The following MNAT1 variants were observed in gnomAD, a reference collection of about 807,000 sequenced individuals.
MNAT1 encodes CDK-activating kinase assembly factor MAT1.
MNAT1 carries 43 observed loss-of-function variants against 42.0 expected under a neutral mutation model. The observed-to-expected ratio is 1.02, with a 90% CI of 0.80 to 1.32. The LOEUF is 1.32. Among genes scored for constraint, MNAT1 ranks in the 40% most tolerant of loss-of-function variants. The pLI is 0.00. For missense variants in MNAT1, 306 were observed against 350.4 expected, an observed-to-expected ratio of 0.87 and a Z score of 1.01; for synonymous variants, 118 against 120.0, an observed-to-expected ratio of 0.98 and a Z score of 0.11.
chr14:60,758,683 T>C (rs1348428179), intron 1 of MNAT1, among the ~76,000 whole-genome samples: 2 of 152,106 alleles, frequency 1.3e-5, no homozygotes, highest in Non-Finnish European at 2.9e-5. Flanking sequence ...ACTTCTTTGG[T>C]GGTTTCTTGT....
intron 7 of MNAT1, among the ~76,000 whole-genome samples, chr14:60,938,590 G>T (rs1281262954): frequency 2.6e-5 from 4 of 152,192 alleles, no homozygotes; most frequent in African/African-American, 9.7e-5. Context: ...CTTGATCATG[G>T]TGGATAAGTG....
intron 1 of MNAT1, among the ~76,000 whole-genome samples, chr14:60,742,399 G>A (rs766583979): frequency 2.0e-5 from 3 of 151,742 alleles, no homozygotes; most frequent in Admixed American, 6.6e-5. Context: ...ACTCCTCATT[G>A]TTATTATTAT....
intron 1 of MNAT1, among the ~76,000 whole-genome samples, chr14:60,774,320 C>G (rs1362521550): frequency 1.3e-5 from 2 of 152,062 alleles, no homozygotes; most frequent in South Asian, 4.1e-4. Context: ...TGCAGTTGCC[C>G]TAAGGCTTGA....
intron 1 of MNAT1, among the ~76,000 whole-genome samples, chr14:60,741,656 G>A (rs1234501466): frequency 3.2e-5 from 1 of 31,380 alleles, no homozygotes; most frequent in Non-Finnish European, 7.9e-5. Flanking sequence ...ACTGCGCCTG[G>A]GGTTTTTTTT....
chr14:60,787,263 G>A (rs573440746), intron 1 of MNAT1, among the ~76,000 whole-genome samples: 1 of 152,256 alleles, frequency 6.6e-6, no homozygotes, highest in African/African-American at 2.4e-5. Flanking sequence ...TGATTTCTTA[G>A]TGTGTATGAA....
In MNAT1 at chr14:60,756,243, A is replaced by T. The variant is rs182619354; in HGVS notation, c.89+21292A>T. Among the ~76,000 whole-genome samples the T allele has an allele frequency of 6.6e-3, 1,010 of 152,356 alleles. 7 individuals carry two copies. The highest frequency in any genetic ancestry group is 0.014 in the Middle Eastern group (4 of 294). ...CATTAAGGAAAGTTTCAGTGATAGT[A>T]CACAACCATACACATTTGTTGAACA... On this transcript the variant is annotated intron_variant, in intron 1 of 7. Coordinates refer to ENST00000261245, the MANE Select transcript of MNAT1 (RefSeq NM_002431.4).
intron 2 of MNAT1, 61 bp from the exon 3 acceptor site, chr14:60,798,026 G>A (rs2032074410): frequency 1.3e-6 from 1 of 799,820 alleles, no homozygotes; most frequent in Non-Finnish European, 2.1e-6. Flanking sequence ...AAGCAAACCA[G>A]TTAGATAATA....
chr14:60,941,769 CT>C (rs1344229739), intron 7 of MNAT1, among the ~76,000 whole-genome samples: 1 of 151,172 alleles, frequency 6.6e-6, no homozygotes, highest in Non-Finnish European at 1.5e-5. Flanking sequence ...CTTTGGGAGG[CT>C]GAGGCGGGCG....
intron 7 of MNAT1, among the ~76,000 whole-genome samples, chr14:60,903,288 T>TA (rs2035111796): frequency 6.6e-6 from 1 of 152,102 alleles, no homozygotes; most frequent in Non-Finnish European, 1.5e-5. Flanking sequence ...ATAATATTAT[T>TA]AAAAATTTTT....
At chr14:60,907,970 T>G (rs1285201517) in intron 7 of MNAT1, among the ~76,000 whole-genome samples, 4 of 152,076 alleles carry the variant, frequency 2.6e-5, no homozygotes, top group African/African-American at 9.7e-5. Context: ...CTTTTGTAAT[T>G]AAAATTAACA....
chr14:60,937,813 C>T (rs1407319937), intron 7 of MNAT1, among the ~76,000 whole-genome samples: 1 of 151,948 alleles, frequency 6.6e-6, no homozygotes, highest in Non-Finnish European at 1.5e-5. Context: ...CTATAAATTA[C>T]CTTGGGCAGT....
At chr14:60,796,487 C>A in intron 2 of MNAT1, 118 bp downstream of exon 2, 1 of 905,118 alleles carries the variant, frequency 1.1e-6, no homozygotes, top group South Asian at 2.1e-5. Context: ...ACTATAAATT[C>A]ATTTAAGTTC....
At chr14:60,838,140 T>G (rs1026263629) in intron 6 of MNAT1, among the ~76,000 whole-genome samples, 17 of 152,110 alleles carry the variant, frequency 1.1e-4, no homozygotes, top group African/African-American at 3.4e-4. Flanking sequence ...ATTGATTTTT[T>G]TTTTCTTTTT....
intron 3 of MNAT1, among the ~76,000 whole-genome samples, chr14:60,800,287 G>A (rs1303334350): frequency 2.6e-5 from 4 of 152,062 alleles, no homozygotes; most frequent in East Asian, 1.9e-4. Context: ...AGTGACTCGC[G>A]CCTGTAATCA....
chr14:60,968,259 A>G lies in MNAT1; in HGVS notation c.840A>G (p.Pro280=), dbSNP rs1594920500. The part of the protein sequence containing the change: ...GYLNHVRAAS[P]QDLAGGYTSS... ...TAAACCATGTCAGAGCTGCCTCACC[A>G]CAGGACCTTGCTGGAGGCTATACTT... is the stretch of plus-strand genomic sequence containing the variant. Residue 280 remains proline (P), a synonymous_variant, in exon 8 of 8, where the codon CCA becomes CCG. Transcript: ENST00000261245. 6.2e-7 allele frequency: 1 copy of G among 1,613,942 alleles called. No homozygotes were observed. Among genetic ancestry groups the G allele is most frequent in the East Asian group, 2.2e-5 (1 of 44,864 alleles).
chr14:60,895,232 G>GCTAT (rs2034927150), intron 7 of MNAT1, among the ~76,000 whole-genome samples: 1 of 152,122 alleles, frequency 6.6e-6, no homozygotes, highest in Non-Finnish European at 1.5e-5. Flanking sequence ...ATTATCTGAA[G>GCTAT]CTATCTGCTT....
chr14:60,803,007 A>G (rs1025130042), intron 3 of MNAT1, among the ~76,000 whole-genome samples: 3 of 144,200 alleles, frequency 2.1e-5, no homozygotes, highest in African/African-American at 7.8e-5. Context: ...ATCTCGGCTC[A>G]CTGCATCCTC....
At chr14:60,877,995 G>C (rs1174923307) in intron 6 of MNAT1, among the ~76,000 whole-genome samples, 1 of 151,972 alleles carries the variant, frequency 6.6e-6, no homozygotes, top group Non-Finnish European at 1.5e-5. Flanking sequence ...TCAGAGAATA[G>C]ATATTTATGT....
intron 1 of MNAT1, among the ~76,000 whole-genome samples, chr14:60,788,830 T>C (rs1165866414): frequency 1.3e-5 from 2 of 152,196 alleles, no homozygotes; most frequent in Non-Finnish European, 2.9e-5. Context: ...GGATTAGGTT[T>C]TGGTTTAAGG....
Sources: allele counts gnomAD v4.1 joint callset (sites outside exome capture counted in the v4.1 genomes callset), GRCh38; gene constraint gnomAD v4.1.1; transcripts MANE v1.5; gene names NCBI Gene and HGNC (gene_info 2026-07-23, HGNC 2026-07-21).